The following ERC1 variants were observed in gnomAD, a reference collection of about 807,000 sequenced individuals.
ERC1 encodes the protein RAB6 interacting protein 2.
Under a neutral mutation model 132.0 loss-of-function variants are expected in ERC1, and 56 were observed. The observed-to-expected ratio is 0.42, with a 90% CI of 0.34 to 0.53. The LOEUF (loss-of-function observed/expected upper bound fraction) is 0.53. Among genes scored for constraint, ERC1 ranks in the 20% least tolerant of loss-of-function variants. ERC1 has a pLI of 0.03. For missense variants in ERC1, 1,202 were observed against 1,349.9 expected, an observed-to-expected ratio of 0.89 and a Z score of 1.72; for synonymous variants, 478 against 476.1, an observed-to-expected ratio of 1.00 and a Z score of -0.05.
chr12:1,354,275 G>A (rs990952168), intron 15 of ERC1, among the ~76,000 whole-genome samples: 5 of 152,060 alleles, frequency 3.3e-5, no homozygotes, highest in Non-Finnish European at 7.4e-5. Context: ...TGCAATCCCA[G>A]CACTTTGGGA....
At chr12:1,313,613 A>T (rs553571937) in intron 15 of ERC1, among the ~76,000 whole-genome samples, 14 of 152,354 alleles carry the variant, frequency 9.2e-5, no homozygotes, top group East Asian at 7.7e-4. Context: ...AATTGAAAAA[A>T]ATACATGTAA....
chr12:1,068,759 C>T, intron 2 of ERC1, among the ~76,000 whole-genome samples: 1 of 152,070 alleles, frequency 6.6e-6, no homozygotes, highest in East Asian at 1.9e-4. Flanking sequence ...TAAGAATGAT[C>T]CAATTAGCAG....
At chr12:1,252,693 T>G (rs74059715) in intron 13 of ERC1, among the ~76,000 whole-genome samples, 3,462 of 152,306 alleles carry the variant, frequency 0.023, 133 homozygotes, top group African/African-American at 0.079. Flanking sequence ...TGAGGTGTTT[T>G]AAGGAGAAGG....
intron 3 of ERC1, among the ~76,000 whole-genome samples, chr12:1,104,053 A>C (rs796391151): frequency 3.4e-4 from 51 of 151,972 alleles, no homozygotes; most frequent in African/African-American, 1.2e-3. Context: ...AAAATCACTG[A>C]AGTGGTTTGG....
intron 14 of ERC1, among the ~76,000 whole-genome samples, chr12:1,286,293 C>CAAAAA (rs71293127): frequency 2.5e-5 from 2 of 81,276 alleles, no homozygotes; most frequent in Non-Finnish European, 4.6e-5. Context: ...GACTCCATCT[C>CAAAAA]AAAAAAAAAA....
intron 3 of ERC1, among the ~76,000 whole-genome samples, chr12:1,096,062 G>C (rs547857605): frequency 6.6e-6 from 1 of 152,020 alleles, no homozygotes; most frequent in South Asian, 2.1e-4. Context: ...AAGTGGCTGG[G>C]ACTACACATG....
At chr12:1,458,255 C>G (rs1431617392) in intron 18 of ERC1, among the ~76,000 whole-genome samples, 1 of 152,144 alleles carries the variant, frequency 6.6e-6, no homozygotes, top group Non-Finnish European at 1.5e-5. Flanking sequence ...AAGAAAGTGG[C>G]CCACATGGTT....
chr12:1,247,036 G>A (rs2076195691), intron 13 of ERC1, among the ~76,000 whole-genome samples: 1 of 151,992 alleles, frequency 6.6e-6, no homozygotes, highest in African/African-American at 2.4e-5. Flanking sequence ...GGCTGAAGAG[G>A]GAGGATCACT....
chr12:1,482,534 C>T (rs2154431945), intron 18 of ERC1, among the ~76,000 whole-genome samples: 1 of 152,262 alleles, frequency 6.6e-6, no homozygotes, highest in South Asian at 2.1e-4. Context: ...GCAACACCCA[C>T]CTCTTGGGTC....
chr12:1,208,828 G>A (rs1957577933), intron 12 of ERC1, among the ~76,000 whole-genome samples: 1 of 152,082 alleles, frequency 6.6e-6, no homozygotes, highest in Non-Finnish European at 1.5e-5. Flanking sequence ...TGTTACCCAG[G>A]CTGGAGTGCA....
chr12:1,303,179 G>A (rs1246048513), intron 15 of ERC1, among the ~76,000 whole-genome samples: 2 of 152,088 alleles, frequency 1.3e-5, no homozygotes, highest in Non-Finnish European at 2.9e-5. Flanking sequence ...CTGAAGGTTC[G>A]GGTAGCTGTA....
intron 18 of ERC1, among the ~76,000 whole-genome samples, chr12:1,473,741 G>C (rs2093916841): frequency 1.3e-5 from 2 of 151,944 alleles, no homozygotes; most frequent in Admixed American, 1.3e-4. Flanking sequence ...GTGCAGACTT[G>C]AAAGGAAAGA....
At position 1,178,388 on chromosome 12, in the gene ERC1, G is replaced by A. The variant is rs866569101; in HGVS notation, c.1738-2152G>A. 9.2e-5 allele frequency among the ~76,000 whole-genome samples: 14 copies of A among 152,158 alleles called. No homozygotes were observed. The South Asian group carries it at 2.1e-3, about 23-fold the overall frequency. On this transcript the variant is annotated intron_variant, in intron 8 of 18. Coordinates refer to ENST00000360905, the MANE Select transcript of ERC1 (RefSeq NM_178040.4). ...TGATCTGAGATGTACTGTATAGGAA[G>A]GTACAAAACAGCTGGAGGGGCAGGA...
chr12:1,065,086 C>T (rs530263547), intron 2 of ERC1, among the ~76,000 whole-genome samples: 19 of 152,170 alleles, frequency 1.2e-4, no homozygotes, highest in South Asian at 4.1e-4. Flanking sequence ...CTGCAACCTC[C>T]GCCTCCTGGG....
chr12:1,325,066 A>G (rs74943658), intron 15 of ERC1, among the ~76,000 whole-genome samples: 1 of 152,026 alleles, frequency 6.6e-6, no homozygotes, highest in Non-Finnish European at 1.5e-5. Context: ...TAGAAAAAAA[A>G]TGAATTATTG....
chr12:1,375,853 C>T (rs559844816), intron 16 of ERC1, among the ~76,000 whole-genome samples: 6 of 151,272 alleles, frequency 4.0e-5, no homozygotes, highest in Non-Finnish European at 5.9e-5. Context: ...TTCTCTGCCT[C>T]AGCCTCCCGA....
At chr12:1,098,565 G>A (rs546579362) in intron 3 of ERC1, among the ~76,000 whole-genome samples, 4 of 152,376 alleles carry the variant, frequency 2.6e-5, no homozygotes, top group African/African-American at 9.6e-5. Flanking sequence ...TGTTTGGCTT[G>A]AGCCACTGGA....
At chr12:1,477,870 C>G (rs1191604318) in intron 18 of ERC1, among the ~76,000 whole-genome samples, 2 of 152,146 alleles carry the variant, frequency 1.3e-5, no homozygotes, top group Non-Finnish European at 2.9e-5. Context: ...TCTATTGTGT[C>G]TGGATTCTGT....
intron 17 of ERC1, among the ~76,000 whole-genome samples, chr12:1,411,611 C>T (rs941168297): frequency 6.6e-6 from 1 of 152,182 alleles, no homozygotes; most frequent in African/African-American, 2.4e-5. Flanking sequence ...AAGCTGAGAG[C>T]AGTCAATGTG....
Sources: gnomAD v4.1 joint callset for allele counts (sites outside exome capture counted in the v4.1 genomes callset) on GRCh38, gnomAD v4.1.1 for gene constraint, MANE v1.5 for transcripts, NCBI Gene and HGNC (gene_info 2026-07-23, HGNC 2026-07-21) for gene names.